The following WWC1 variants were observed in gnomAD, a reference collection of about 807,000 sequenced individuals.
WWC1 encodes the protein protein KIBRA.
In WWC1, 55 loss-of-function variants were observed where a neutral mutation model predicts 138.4. That is an observed-to-expected ratio of 0.40 (90% CI 0.32 to 0.50). The LOEUF is 0.50. Among genes scored for constraint, WWC1 ranks in the 20% least tolerant of loss-of-function variants. WWC1 has a pLI of 0.72. For missense variants in WWC1, 1,226 were observed against 1,420.4 expected, an observed-to-expected ratio of 0.86 and a Z score of 2.20; for synonymous variants, 524 against 564.9, an observed-to-expected ratio of 0.93 and a Z score of 1.03.
At chr5:168,412,477 A>C (rs568519799) in intron 8 of WWC1, among the ~76,000 whole-genome samples, 177 of 152,272 alleles carry the variant, frequency 1.2e-3, no homozygotes, top group African/African-American at 4.2e-3. Flanking sequence ...GGAAAGAGAA[A>C]GTATATCCAG....
At chr5:168,361,603 C>T (rs1034221332) in intron 1 of WWC1, among the ~76,000 whole-genome samples, 4 of 152,204 alleles carry the variant, frequency 2.6e-5, no homozygotes, top group African/African-American at 7.2e-5. Context: ...CTGATTTGAT[C>T]TCCTGGCATT....
At chr5:168,356,336 G>C (rs1775411408) in intron 1 of WWC1, among the ~76,000 whole-genome samples, 1 of 152,268 alleles carries the variant, frequency 6.6e-6, no homozygotes, top group Admixed American at 6.5e-5. Flanking sequence ...ATGGAGGCAA[G>C]GTGTCTGGCC....
chr5:168,331,824 G>A (rs1027732170), intron 1 of WWC1, among the ~76,000 whole-genome samples: 5 of 152,130 alleles, frequency 3.3e-5, no homozygotes, highest in Non-Finnish European at 7.3e-5. Context: ...AATTGTCAGC[G>A]GCTTGGAAGA....
At chr5:168,419,717 T>G (rs1177005861) in intron 9 of WWC1, among the ~76,000 whole-genome samples, 1 of 152,180 alleles carries the variant, frequency 6.6e-6, no homozygotes, top group African/African-American at 2.4e-5. Flanking sequence ...CACGAGTTTG[T>G]GAGGGCACAG....
chr5:168,445,993 G>GCCCT, intron 17 of WWC1, among the ~76,000 whole-genome samples: 1 of 152,024 alleles, frequency 6.6e-6, no homozygotes, highest in Non-Finnish European at 1.5e-5. Context: ...GCTTTTCATT[G>GCCCT]GCCAAGCTTA....
intron 2 of WWC1, among the ~76,000 whole-genome samples, chr5:168,374,219 A>T (rs1172334000): frequency 6.6e-6 from 1 of 152,198 alleles, no homozygotes; most frequent in African/African-American, 2.4e-5. Context: ...CTCTTATAGA[A>T]ATTTCATTTT....
rs767253675 is a variant in WWC1 at position 168,406,201 on chromosome 5, C to A, written c.594C>A (p.Ile198=). Residue 198 remains isoleucine, a synonymous_variant, in exon 6 of 23, where the codon ATC becomes ATA. Transcript: ENST00000265293. ...KERGFQTLKK[I]DKKMSDAQGS... ...TTTCCCATTAACTGTCTCCTAGAAT[C>A]GATAAGAAAATGTCTGATGCTCAGG... 2 of 1,613,480 alleles carry A rather than the reference C, an allele frequency of 1.2e-6. No homozygotes were observed. The highest frequency in any genetic ancestry group is 1.1e-5 in the South Asian group (1 of 91,058).
rs1331787510 is a variant in WWC1 at position 168,460,539 on chromosome 5, G to GGAGA, written c.2824-109_2824-106dup. The GGAGA allele has an allele frequency of 1.3e-5, 12 of 929,906 alleles. No homozygotes were observed. In the African/African-American group the frequency reaches 1.8e-4, roughly 14 times the overall value. 57.6% of individuals were successfully genotyped at this position (929,906 alleles called of 1,614,324 possible). On this transcript the variant is annotated intron_variant, in intron 19 of 22. Coordinates refer to ENST00000265293, the MANE Select transcript of WWC1 (RefSeq NM_015238.3). Reference sequence around the variant, plus strand: ...GAATGAAACCTGGGTGTTTGCAGAAGGAGAGGAAGGACTGTGCCGAGTGGA... The same window carrying GGAGA: ...GAATGAAACCTGGGTGTTTGCAGAAGGAGAGAGAGGAAGGACTGTGCCGAGTGGA...
chr5:168,349,200 C>T (rs535216808), intron 1 of WWC1, among the ~76,000 whole-genome samples: 13 of 152,100 alleles, frequency 8.5e-5, no homozygotes, highest in Non-Finnish European at 1.9e-4. Flanking sequence ...ACCGAATTCC[C>T]ATGATTGTGT....
chr5:168,325,012 T>A (rs1451920759), intron 1 of WWC1, among the ~76,000 whole-genome samples: 2 of 152,216 alleles, frequency 1.3e-5, no homozygotes, highest in African/African-American at 2.4e-5. Flanking sequence ...TAGAGCAAGC[T>A]TTCCAGCTCT....
chr5:168,364,025 G>A (rs73801898), intron 1 of WWC1, among the ~76,000 whole-genome samples: 1 of 152,136 alleles, frequency 6.6e-6, no homozygotes, highest in African/African-American at 2.4e-5. Context: ...CTCTGATTAT[G>A]TTTGCAACCC....
chr5:168,399,441 G>T (rs1481208427), intron 4 of WWC1, 47 bp from the exon 5 acceptor site: 21 of 1,604,586 alleles, frequency 1.3e-5, no homozygotes, highest in East Asian at 2.2e-5. Context: ...CCTGCACCTT[G>T]GTGTCAGCCT....
intron 1 of WWC1, among the ~76,000 whole-genome samples, chr5:168,340,358 A>G (rs1300596734): frequency 6.6e-6 from 1 of 152,016 alleles, no homozygotes; most frequent in Non-Finnish European, 1.5e-5. Context: ...TTACAATTCA[A>G]CCATTTAAAG....
intron 1 of WWC1, among the ~76,000 whole-genome samples, chr5:168,346,584 GA>G (rs1257644392): frequency 6.6e-6 from 1 of 152,188 alleles, no homozygotes; most frequent in Non-Finnish European, 1.5e-5. Context: ...AATGCATGCA[GA>G]ATACAAGACT....
chr5:168,420,958 C>T (rs1161357053), intron 9 of WWC1, among the ~76,000 whole-genome samples: 3 of 152,204 alleles, frequency 2.0e-5, no homozygotes, highest in African/African-American at 7.2e-5. Flanking sequence ...TGCACTTTTC[C>T]TAGCCAACTG....
Position 168,356,634 on chromosome 5 carries a change from G to C in WWC1, c.120-14790G>C, listed in dbSNP as rs746736043. The stretch of plus-strand genomic sequence containing the variant: ...ACCTTAGTGTCACCTTCTTCCCCCA[G>C]GACTTTCGAGTAGAGCTATCCAAGG... On this transcript the variant is annotated intron_variant, in intron 1 of 22. Coordinates refer to ENST00000265293, the MANE Select transcript of WWC1 (RefSeq NM_015238.3). 4.2e-4 allele frequency among the ~76,000 whole-genome samples: 64 copies of C among 152,196 alleles called. 1 individual carries two copies. The highest frequency in any genetic ancestry group is 1.6e-4 in the Non-Finnish European group (11 of 68,042).
intron 15 of WWC1, among the ~76,000 whole-genome samples, chr5:168,433,121 A>G (rs896606129): frequency 6.6e-6 from 1 of 152,208 alleles, no homozygotes; most frequent in Admixed American, 6.5e-5. Context: ...TCTTAGTCTC[A>G]GTTCCCTTAT....
At chr5:168,413,303 AG>A (rs1780361175) in intron 8 of WWC1, among the ~76,000 whole-genome samples, 1 of 152,240 alleles carries the variant, frequency 6.6e-6, no homozygotes, top group African/African-American at 2.4e-5. Context: ...CAAGTCCTAA[AG>A]GATGATGTCA....
At chr5:168,329,233 T>C (rs1245031388) in intron 1 of WWC1, among the ~76,000 whole-genome samples, 2 of 152,210 alleles carry the variant, frequency 1.3e-5, no homozygotes. Context: ...TAGTTTTGTA[T>C]GATTCTTAGG....
Sources: allele counts gnomAD v4.1 joint callset (sites outside exome capture counted in the v4.1 genomes callset), GRCh38; gene constraint gnomAD v4.1.1; transcripts MANE v1.5; gene names NCBI Gene and HGNC (gene_info 2026-07-23, HGNC 2026-07-21).